Variants in BRCA1 observed in about 807,000 individuals in gnomAD.
BRCA1 encodes breast cancer type 1 susceptibility protein.
In BRCA1, 140 loss-of-function variants were observed where a neutral mutation model predicts 173.7. The ratio of observed to expected loss-of-function variants is 0.81; its 90% CI spans 0.70 to 0.93. The LOEUF (loss-of-function observed/expected upper bound fraction) is 0.93. Ranked by LOEUF, BRCA1 falls within the 40% of genes least tolerant of loss-of-function variation. The probability of loss-of-function intolerance (pLI) is 0.00; values close to 1 mark genes in which losing one functional copy is unlikely to be tolerated. For missense variants in BRCA1, 1,983 were observed against 2,172.5 expected (o/e 0.91, Z 1.73); for synonymous variants, 662 against 756.0 (o/e 0.88, Z 2.04).
chr17:43,146,215 A>T (rs925569004), intron 1 of BRCA1, among the ~76,000 whole-genome samples: 5 of 151,534 alleles, frequency 3.3e-5, no homozygotes, highest in African/African-American at 1.2e-4. Flanking sequence ...CTTAAGGAAA[A>T]TTTGCTTCCA....
chr17:43,047,797 G>C (rs931954823), intron 21 of BRCA1, 94 bp from the exon 22 acceptor site: 66 of 1,350,652 alleles, frequency 4.9e-5, no homozygotes, highest in Non-Finnish European at 5.9e-5. Context: ...TTTGAGACAG[G>C]GTCTTGCTCT....
intron 18 of BRCA1, among the ~76,000 whole-genome samples, chr17:43,060,225 C>T (rs1454191586): frequency 6.6e-6 from 1 of 152,224 alleles, no homozygotes; most frequent in African/African-American, 2.4e-5. Context: ...AGGCACGCGC[C>T]ACCACGCTGG....
chr17:43,103,116 T>C (rs775491638), intron 6 of BRCA1, among the ~76,000 whole-genome samples: 23 of 152,180 alleles, frequency 1.5e-4, no homozygotes, highest in Non-Finnish European at 3.2e-4. Flanking sequence ...CTTATGGCTA[T>C]TTTAGATAAG....
upstream of BRCA1, among the ~76,000 whole-genome samples, chr17:43,127,955 C>G (rs552179048): frequency 4.6e-4 from 63 of 135,516 alleles, no homozygotes; most frequent in African/African-American, 1.7e-3. Context: ...ACCCGGGAGG[C>G]GGAGCTTGCA....
rs28897688 is a variant in BRCA1, at chr17:43,091,818, G to C, written c.3713C>G (p.Pro1238Arg). ...HLLFGKVNNI[P>R]SQSTRHSTVA... ...GGTGCTATGCCTAGTAGACTGAGAA[G>C]GTATATTGTTTACTTTACCAAATAA... Residue 1238 changes from proline (P) to arginine (R), a missense_variant, in exon 10 of 23, where the codon CCT becomes CGT. By Grantham distance (103) the Pro-to-Arg change is moderately radical. Coordinates refer to ENST00000357654, the MANE Select transcript of BRCA1 (RefSeq NM_007294.4). 3.7e-6 allele frequency: 6 copies of C among 1,614,152 alleles called. No homozygotes were observed. Among genetic ancestry groups the C allele is most frequent in the Non-Finnish European group, 5.1e-6 (6 of 1,180,016 alleles).
intron 11 of BRCA1, among the ~76,000 whole-genome samples, chr17:43,086,489 T>A (rs368447877): frequency 6.6e-6 from 1 of 152,118 alleles, no homozygotes; most frequent in African/African-American, 2.4e-5. Context: ...ACTTCAATAG[T>A]TTTTCCTGCC....
At chr17:43,054,159 T>G (rs1187110500) in intron 19 of BRCA1, among the ~76,000 whole-genome samples, 1 of 152,170 alleles carries the variant, frequency 6.6e-6, no homozygotes, top group African/African-American at 2.4e-5. Context: ...GGGAAGAATC[T>G]GGTGCTAATA....
chr17:43,121,265 C>T (rs1458086989), intron 2 of BRCA1, among the ~76,000 whole-genome samples: 2 of 151,166 alleles, frequency 1.3e-5, no homozygotes, highest in East Asian at 3.9e-4. Flanking sequence ...GTCCCAGCTA[C>T]TCGGGAGGCT....
chr17:43,161,006 G>C (rs1043780544), intron 1 of BRCA1: 1 of 152,126 alleles, frequency 6.6e-6, no homozygotes, highest in Non-Finnish European at 1.5e-5. Flanking sequence ...TCAAATCCAT[G>C]CCACACTTGC....
Position 43,047,565 on chromosome 17 carries a change from C to T in BRCA1, c.5467+78G>A, listed in dbSNP as rs1037949286. 8.5e-6 allele frequency: 12 copies of T among 1,410,814 alleles called. No homozygotes were observed. In the African/African-American group the frequency reaches 1.3e-4, roughly 15 times the overall value. 87.4% of individuals were successfully genotyped at this position (1,410,814 alleles called of 1,614,324 possible). The stretch of plus-strand genomic sequence containing the variant: ...AAAATGTGCCAAGAACTGTGCTACT[C>T]AAGCACCAGGTAATGAGTGATAAAC... On this transcript the variant is annotated intron_variant, in intron 22 of 22. Coordinates refer to ENST00000357654, the MANE Select transcript of BRCA1 (RefSeq NM_007294.4).
chr17:43,152,966 C>T (rs917160336), intron 1 of BRCA1, among the ~76,000 whole-genome samples: 9 of 151,944 alleles, frequency 5.9e-5, no homozygotes, highest in South Asian at 2.1e-4. Context: ...ACCCAGGAGG[C>T]GGAGGTTGCA....
At chr17:43,058,989 C>T (rs768766245) in intron 18 of BRCA1, among the ~76,000 whole-genome samples, 1 of 152,110 alleles carries the variant, frequency 6.6e-6, no homozygotes, top group African/African-American at 2.4e-5. Context: ...AAGAGTATAA[C>T]CACTGGCTAT....
chr17:43,148,185 G>A (rs2056135777), intron 1 of BRCA1, among the ~76,000 whole-genome samples: 1 of 152,154 alleles, frequency 6.6e-6, no homozygotes, highest in Non-Finnish European at 1.5e-5. Context: ...AGATACTCAG[G>A]AGGCTTAGGC....
chr17:43,066,092 C>G (rs755268261), intron 16 of BRCA1, among the ~76,000 whole-genome samples: 3 of 152,176 alleles, frequency 2.0e-5, no homozygotes, highest in Non-Finnish European at 4.4e-5. Context: ...TGGATCTGTA[C>G]TTCACTTGCT....
At chr17:43,061,981 T>C (rs2051780987) in intron 18 of BRCA1, among the ~76,000 whole-genome samples, 1 of 152,208 alleles carries the variant, frequency 6.6e-6, no homozygotes, top group African/African-American at 2.4e-5. Flanking sequence ...CACTCTATCT[T>C]ATTTACTTCT....
intron 12 of BRCA1, among the ~76,000 whole-genome samples, chr17:43,077,759 AGTTT>A (rs2154085100): frequency 3.4e-3 from 1 of 298 alleles, no homozygotes; most frequent in African/African-American, 0.014. Flanking sequence ...TTTGAGATGG[AGTTT>A]GCTCTTGTTG....
intron 3 of BRCA1, among the ~76,000 whole-genome samples, chr17:43,111,261 T>A (rs180955947): frequency 5.4e-4 from 83 of 152,310 alleles, no homozygotes; most frequent in Admixed American, 9.8e-4. Flanking sequence ...GGCTCATGCC[T>A]GTAATCCTGG....
At chr17:43,049,098 C>A (rs2051067759) in intron 21 of BRCA1, 23 bp downstream of exon 21, 1 of 1,609,228 alleles carries the variant, frequency 6.2e-7, no homozygotes, top group South Asian at 1.1e-5. Context: ...TCCTCCCTCT[C>A]TGACAGGGCA....
In BRCA1 at chr17:43,091,650, C is replaced by G. The variant is rs776996813; in HGVS notation, c.3881G>C (p.Ser1294Thr). ...TTCACTGCACTGTGAAGAAAACAAG[C>G]TAGCAGAACATTTTGTTTCCTCACT... is the stretch of plus-strand genomic sequence containing the variant. The part of the protein sequence containing the change: ...HLSEETKCSA[S>T]LFSSQCSELE... Residue 1294 changes from serine (S) to threonine (T), a missense_variant, in exon 10 of 23, where the codon AGC becomes ACC. Ser to Thr is a moderately conservative substitution (Grantham distance 58). Transcript: ENST00000357654. The G allele has an allele frequency of 6.2e-7, 1 of 1,614,220 alleles. No individual in the cohort carries two copies. Among genetic ancestry groups the G allele is most frequent in the Non-Finnish European group, 8.5e-7 (1 of 1,180,032 alleles).
Sources: gnomAD v4.1 joint callset for allele counts (sites outside exome capture counted in the v4.1 genomes callset) on GRCh38, gnomAD v4.1.1 for gene constraint, MANE v1.5 for transcripts, NCBI Gene and HGNC (gene_info 2026-07-23, HGNC 2026-07-21) for gene names.